ZNF773: variants seen among roughly 807,000 people sequenced by gnomAD.
ZNF773 encodes zinc finger protein 419B.
ZNF773 carries 11 observed loss-of-function variants against 12.8 expected under a neutral mutation model. The ratio of observed to expected loss-of-function variants is 0.86; its 90% CI spans 0.54 to 1.42. ZNF773 has a LOEUF of 1.42. Among genes scored for constraint, ZNF773 ranks in the 40% most tolerant of loss-of-function variants. ZNF773 has a pLI of 0.00. For missense variants in ZNF773, 518 were observed against 527.2 expected, an observed-to-expected ratio of 0.98 and a Z score of 0.17; for synonymous variants, 175 against 178.4, an observed-to-expected ratio of 0.98 and a Z score of 0.15.
Position 57,506,898 on chromosome 19 carries a change from T to C in ZNF773, c.803T>C (p.Val268Ala), listed in dbSNP as rs745457896. ...RNADLIQHQR[V>A]HTGEKPFTCS... is the part of the protein sequence containing the mutation. Reference sequence around the variant, plus strand: ...GCTGACCTCATTCAACACCAGAGAGTTCACACTGGAGAAAAGCCTTTTACA... The same window carrying C: ...GCTGACCTCATTCAACACCAGAGAGCTCACACTGGAGAAAAGCCTTTTACA... The change falls in exon 4 of 4, where the codon GTT (valine) becomes GCT (alanine). Residue 268 changes from valine to alanine, a missense_variant. By Grantham distance (64) the Val-to-Ala change is moderately conservative. Transcript: ENST00000282292. 6.2e-7 allele frequency: 1 copy of C among 1,613,840 alleles called. No individual in the cohort carries two copies. The highest frequency in any genetic ancestry group is 8.5e-7 in the Non-Finnish European group (1 of 1,180,022).
chr19:57,509,426 C>T (rs965280360), downstream of ZNF773, among the ~76,000 whole-genome samples: 1 of 152,074 alleles, frequency 6.6e-6, no homozygotes, highest in African/African-American at 2.4e-5. Context: ...ATATTTAATG[C>T]CCAGTTATTG....
chr19:57,508,485 C>G (rs1221037452), downstream of ZNF773: 7 of 696,850 alleles, frequency 1.0e-5, no homozygotes, highest in Non-Finnish European at 1.8e-5. Context: ...TGTCCGCTTC[C>G]AGAGACTGAA....
chr19:57,505,442 T>C, intron 3 of ZNF773, 42 bp downstream of exon 3: 3 of 1,607,994 alleles, frequency 1.9e-6, no homozygotes, highest in Non-Finnish European at 2.6e-6. Flanking sequence ...AACTCGGGTA[T>C]GGGTTTGTAT....
downstream of ZNF773, chr19:57,514,871 C>T (rs1298505686): frequency 1.3e-5 from 2 of 152,154 alleles, no homozygotes; most frequent in South Asian, 4.1e-4. Context: ...TTATGAAGTT[C>T]ACCCTTTTAC....
downstream of ZNF773, among the ~76,000 whole-genome samples, chr19:57,508,777 A>G (rs1168926433): frequency 2.8e-5 from 4 of 144,448 alleles, no homozygotes; most frequent in East Asian, 1.9e-4. Context: ...TATTTTTCGA[A>G]TGACTCAGTT....
intron 1 of ZNF773, among the ~76,000 whole-genome samples, chr19:57,500,876 T>C (rs2123241577): frequency 6.6e-6 from 1 of 152,166 alleles, no homozygotes; most frequent in East Asian, 1.9e-4. Context: ...TTCTTTCAGA[T>C]GGTCCCTGAG....
Position 57,506,419 on chromosome 19 carries a change from C to A in ZNF773, c.324C>A (p.Pro108=), listed in dbSNP as rs17849926. The change falls in exon 4 of 4, where the codon CCC becomes CCA. Residue 108 remains proline, a synonymous_variant. Coordinates refer to ENST00000282292, the MANE Select transcript of ZNF773 (RefSeq NM_198542.3). ...AAEQSASVEV[P]SSNVQQHQKQ... ...AGCAGAGTGCTTCTGTAGAAGTGCC[C>A]AGTTCAAACGTTCAGCAACACCAGA... The A allele has an allele frequency of 1.9e-6, 3 of 1,614,190 alleles. No homozygotes were observed. In the South Asian group the frequency reaches 3.3e-5, roughly 18 times the overall value.
chr19:57,500,328 T>C (rs557185774), intron 1 of ZNF773, among the ~76,000 whole-genome samples: 1,856 of 151,864 alleles, frequency 0.012, 19 homozygotes, highest in Middle Eastern at 0.041. Context: ...CTGGTGTCTG[T>C]AGTGGGCAGC....
chr19:57,514,288 TC>T, downstream of ZNF773: 2 of 152,358 alleles, frequency 1.3e-5, no homozygotes, highest in East Asian at 3.9e-4. Flanking sequence ...CAGAAAGTAG[TC>T]ATCTGTAGGG....
chr19:57,513,213 A>ACAAATTCTGCCCT, downstream of ZNF773: 1 of 900,004 alleles, frequency 1.1e-6, no homozygotes, highest in Non-Finnish European at 1.5e-6. Flanking sequence ...CATAGGGCAG[A>ACAAATTCTGCCCT]ATTTGTCTGC....
At position 57,506,847 on chromosome 19, in the gene ZNF773, A is replaced by T; in HGVS notation, c.752A>T (p.Asp251Val). The T allele has an allele frequency of 6.2e-7, 1 of 1,614,220 alleles. No individual in the cohort carries two copies. Among genetic ancestry groups the T allele is most frequent in the Non-Finnish European group, 8.5e-7 (1 of 1,180,042 alleles). Residue 251 changes from aspartate to valine, a missense_variant, in exon 4 of 4, where the codon GAC becomes GTC. Coordinates refer to ENST00000282292, the MANE Select transcript of ZNF773 (RefSeq NM_198542.3). ...HTGERPYGCS[D>V]CGKSFSRNAD... ...GGAGAAAGGCCTTATGGGTGTAGTG[A>T]CTGTGGAAAATCCTTTAGCCGTAAT... is the stretch of plus-strand genomic sequence containing the variant.
chr19:57,513,030 C>A (rs374374691), downstream of ZNF773: 495 of 1,566,056 alleles, frequency 3.2e-4, 2 homozygotes, highest in Non-Finnish European at 4.2e-4. Flanking sequence ...AGTCCCGAAC[C>A]GACAGCCACA....
At position 57,508,159 on chromosome 19, in the gene ZNF773, C is replaced by CA. The variant is rs2089767050; in HGVS notation, c.*743dup. 1.5e-5 allele frequency: 7 copies of CA among 476,224 alleles called. No homozygotes were observed. The highest frequency in any genetic ancestry group is 4.1e-4 in the East Asian group (1 of 2,468). 29.5% of individuals were successfully genotyped at this position (476,224 alleles called of 1,614,324 possible). A position where few individuals can be genotyped will look rare whatever the true frequency, so the allele number is the denominator to read the frequency against. Reference sequence around the variant, plus strand: ...TCGTCTCAAAAAAAAAAAAAAAAAACAAAAAAAACCCAGAAACTCTGAGGG... The same window carrying CA: ...TCGTCTCAAAAAAAAAAAAAAAAAACAAAAAAAAACCCAGAAACTCTGAGGG... On this transcript the variant is annotated 3_prime_UTR_variant, in exon 4 of 4. Transcript: ENST00000282292.
intron 1 of ZNF773, among the ~76,000 whole-genome samples, chr19:57,502,007 A>C (rs1237593342): frequency 6.6e-6 from 1 of 152,052 alleles, no homozygotes; most frequent in Non-Finnish European, 1.5e-5. Context: ...CAATGGTACA[A>C]TCTCGGCTCA....
chr19:57,510,344 TACAC>T (rs1480739950), downstream of ZNF773, among the ~76,000 whole-genome samples: 2 of 152,188 alleles, frequency 1.3e-5, no homozygotes, highest in African/African-American at 4.8e-5. Context: ...TCGGTTATGA[TACAC>T]ACAGCAAACT....
At chr19:57,518,270 T>C (rs2089843038) in exon 5 of ZNF773, 1 of 152,150 alleles carries the variant, frequency 6.6e-6, no homozygotes, top group South Asian at 2.1e-4. Flanking sequence ...ATCTGGAGGC[T>C]GTTGTATAAA....
At chr19:57,502,217 T>C (rs1190395563) in intron 1 of ZNF773, among the ~76,000 whole-genome samples, 1 of 152,094 alleles carries the variant, frequency 6.6e-6, no homozygotes, top group Non-Finnish European at 1.5e-5. Context: ...GCTGGGATTA[T>C]AGACATGAGC....
At chr19:57,513,220 C>A (rs2089810449), downstream of ZNF773, 1 of 815,476 alleles carries the variant, frequency 1.2e-6, no homozygotes, top group Non-Finnish European at 1.7e-6. Flanking sequence ...CAGAATTTGT[C>A]TGCTGAAGAG....
rs73936990 is a variant in ZNF773, at chr19:57,501,210, G to T, written c.33+1097G>T. 6.2e-3 allele frequency among the ~76,000 whole-genome samples: 939 copies of T among 152,174 alleles called. 8 individuals are homozygous for T. The highest frequency in any genetic ancestry group is 0.02 in the African/African-American group (841 of 41,508). ...TAGAAGGGAGGGCTCTCAGCAGGATGGTCTTCAGGGGAGTATATAGCAGGC... is the reference window on the plus strand; with the variant it reads ...TAGAAGGGAGGGCTCTCAGCAGGATTGTCTTCAGGGGAGTATATAGCAGGC... On this transcript the variant is annotated intron_variant, in intron 1 of 3. Coordinates refer to ENST00000282292, the MANE Select transcript of ZNF773 (RefSeq NM_198542.3).
Sources: gnomAD v4.1 joint callset for allele counts (sites outside exome capture counted in the v4.1 genomes callset) on GRCh38, gnomAD v4.1.1 for gene constraint, MANE v1.5 for transcripts, NCBI Gene and HGNC (gene_info 2026-07-23, HGNC 2026-07-21) for gene names.